Variants in RBM19 observed in about 807,000 individuals in gnomAD.
RBM19 encodes the protein probable RNA-binding protein 19.
RBM19 carries 94 observed loss-of-function variants against 116.8 expected under a neutral mutation model. That is an observed-to-expected ratio of 0.80 (90% CI 0.68 to 0.95). The LOEUF (loss-of-function observed/expected upper bound fraction) is 0.95. RBM19 is among the 40% of genes least tolerant of loss of function. The probability of loss-of-function intolerance (pLI) is 0.00; values close to 1 mark genes in which losing one functional copy is unlikely to be tolerated. For synonymous variants in RBM19, 475 were observed against 494.1 expected (o/e 0.96, Z 0.51); for missense variants, 1,161 against 1,220.7 (o/e 0.95, Z 0.73).
chr12:113,900,228 G>A (rs1881602396), intron 21 of RBM19, among the ~76,000 whole-genome samples: 1 of 152,190 alleles, frequency 6.6e-6, no homozygotes, highest in Admixed American at 6.5e-5. Context: ...ATTTTTTTAA[G>A]GAGGCAAACT....
intron 21 of RBM19, among the ~76,000 whole-genome samples, chr12:113,901,495 T>A (rs552792641): frequency 1.4e-5 from 2 of 146,160 alleles, no homozygotes; most frequent in South Asian, 4.5e-4. Context: ...GAATTCCTTC[T>A]TTTATTCATT....
At chr12:113,841,433 T>C (rs1483718990) in intron 23 of RBM19, among the ~76,000 whole-genome samples, 1 of 148,644 alleles carries the variant, frequency 6.7e-6, no homozygotes, top group Non-Finnish European at 1.5e-5. Flanking sequence ...TTTTTTTTTT[T>C]TTTTTTTTGA....
rs1869849321 is a variant in RBM19 at position 113,934,092 on chromosome 12, CA to C, written c.2068+2914del. Among the ~76,000 whole-genome samples the C allele has an allele frequency of 3.3e-5, 5 of 152,214 alleles. No homozygotes were observed. In the South Asian group the frequency reaches 1.0e-3, roughly 32 times the overall value. ...TCAGCCTCCTGAGTAGCTGGGACTA[CA>C]AGGCATGCACCACTACGCCCAGCTA... On this transcript the variant is annotated intron_variant, in intron 16 of 23. Coordinates refer to ENST00000261741, the MANE Select transcript of RBM19 (RefSeq NM_016196.4).
At chr12:113,863,236 T>G (rs11609066) in intron 21 of RBM19, among the ~76,000 whole-genome samples, 8 of 142,186 alleles carry the variant, frequency 5.6e-5, no homozygotes, top group African/African-American at 1.9e-4. Context: ...TGTGTGTGTG[T>G]GGGGCCAGCG....
At chr12:113,901,083 C>A (rs1881656752) in intron 21 of RBM19, among the ~76,000 whole-genome samples, 1 of 152,174 alleles carries the variant, frequency 6.6e-6, no homozygotes, top group Non-Finnish European at 1.5e-5. Flanking sequence ...AACAGTGTTT[C>A]CTCACACTGC....
At chr12:113,892,179 C>T (rs749947741) in intron 21 of RBM19, among the ~76,000 whole-genome samples, 13 of 152,172 alleles carry the variant, frequency 8.5e-5, no homozygotes, top group Non-Finnish European at 1.8e-4. Flanking sequence ...CATCAAGCCT[C>T]ACCTACAAAG....
At chr12:113,852,189 C>T (rs1416793890) in intron 22 of RBM19, among the ~76,000 whole-genome samples, 1 of 152,174 alleles carries the variant, frequency 6.6e-6, no homozygotes, top group Non-Finnish European at 1.5e-5. Context: ...GTCCTTCTCA[C>T]TCTGATCTCT....
intron 22 of RBM19, among the ~76,000 whole-genome samples, chr12:113,850,710 G>A (rs1473036530): frequency 6.6e-6 from 1 of 152,236 alleles, no homozygotes; most frequent in Non-Finnish European, 1.5e-5. Flanking sequence ...CACGGCTTCT[G>A]GGCAGAGCTG....
chr12:113,949,212 C>T (rs1240281337), intron 9 of RBM19, among the ~76,000 whole-genome samples, 176 bp from the exon 10 acceptor site: 1 of 152,188 alleles, frequency 6.6e-6, no homozygotes, highest in African/African-American at 2.4e-5. Flanking sequence ...AAGCCAACAC[C>T]AGGCCTGAAC....
Position 113,888,046 on chromosome 12 carries a change from G to C in RBM19, c.2558+26923C>G, listed in dbSNP as rs143676762. Among the ~76,000 whole-genome samples the C allele has an allele frequency of 6.5e-3, 993 of 152,224 alleles. 6 individuals carry two copies. The highest frequency in any genetic ancestry group is 0.01 in the Non-Finnish European group (690 of 68,014). ...TCATCCCAACTTTTTACAAGTCCCT[G>C]AGGCCACCTGGATGCATAGCCAGAC... On this transcript the variant is annotated intron_variant, in intron 21 of 23. Transcript: ENST00000261741.
chr12:113,889,592 G>C (rs1170451612), intron 21 of RBM19, among the ~76,000 whole-genome samples: 1 of 152,146 alleles, frequency 6.6e-6, no homozygotes, highest in East Asian at 1.9e-4. Context: ...AAGTGTGCCT[G>C]CTTCCTGATC....
intron 23 of RBM19, among the ~76,000 whole-genome samples, chr12:113,835,529 C>G (rs1003646059): frequency 5.3e-5 from 8 of 152,138 alleles, no homozygotes; most frequent in African/African-American, 1.9e-4. Flanking sequence ...GGCTGGGAGG[C>G]AGTGGGGGCC....
At chr12:113,932,770 C>G (rs1869715499) in intron 16 of RBM19, 1 of 151,756 alleles carries the variant, frequency 6.6e-6, no homozygotes, top group Admixed American at 6.6e-5. Flanking sequence ...ACAAAAACAC[C>G]AGGAACCAGA....
intron 21 of RBM19, among the ~76,000 whole-genome samples, chr12:113,880,588 C>A (rs1880037848): frequency 6.6e-6 from 1 of 152,140 alleles, no homozygotes; most frequent in Admixed American, 6.5e-5. Context: ...GGCTACAGCC[C>A]TACTTACTCA....
rs35688045 is a variant in RBM19, at chr12:113,893,026, A to ATT, written c.2558+21941_2558+21942dup. On this transcript the variant is annotated intron_variant, in intron 21 of 23. Coordinates refer to ENST00000261741, the MANE Select transcript of RBM19 (RefSeq NM_016196.4). ...CTCAATGACCACACTGTAACTATTG[A>ATT]TTTTTTTTTTTTTTTTAATAAGAGA... Among the ~76,000 whole-genome samples, 553 of 141,166 alleles carry ATT rather than the reference A, an allele frequency of 3.9e-3. 1 individual carries two copies. Among genetic ancestry groups the ATT allele is most frequent in the African/African-American group, 0.01 (392 of 38,196 alleles). The allele number at this position is 141,166 out of a possible 152,430, so 92.6% of individuals were successfully genotyped here. A position where few individuals can be genotyped will look rare whatever the true frequency, so the allele number is the denominator to read the frequency against.
chr12:113,933,286 G>A (rs1409475528), intron 16 of RBM19, among the ~76,000 whole-genome samples: 2 of 150,296 alleles, frequency 1.3e-5, no homozygotes, highest in Non-Finnish European at 3.0e-5. Context: ...CCCAGCCCTC[G>A]TTGTCCTCGT....
At chr12:113,933,529 AGGCCCAGC>A (rs59735981) in intron 16 of RBM19, among the ~76,000 whole-genome samples, 23,187 of 151,954 alleles carry the variant, frequency 0.15, 2,284 homozygotes, top group African/African-American at 0.28. Flanking sequence ...GGGCCAAAGG[AGGCCCAGC>A]GGCCGGGCTC....
rs141874185 is a variant in RBM19, at chr12:113,915,049, G to A, written c.2478C>T (p.Pro826=). ...GGATCTTGGAGGTGGTCTGCTTTCT[G>A]GGAACTTGTTTCTTCCGAGCCAATG... The part of the protein sequence containing the change: ...AVTLARKKQV[P]RKQTTSKILV... The change falls in exon 21 of 24, where the codon CCC becomes CCT. Residue 826 remains proline, a synonymous_variant. Transcript: ENST00000261741. 1,140 of 1,614,086 alleles carry A rather than the reference G, an allele frequency of 7.1e-4. No individual in the cohort carries two copies. The highest frequency in any genetic ancestry group is 8.8e-4 in the Non-Finnish European group (1,033 of 1,180,050).
chr12:113,854,358 C>T (rs1877708146), intron 22 of RBM19, among the ~76,000 whole-genome samples: 1 of 152,090 alleles, frequency 6.6e-6, no homozygotes, highest in Non-Finnish European at 1.5e-5. Flanking sequence ...GCGTTGATGA[C>T]ACAACTGACA....
Sources: gnomAD v4.1 joint callset for allele counts (sites outside exome capture counted in the v4.1 genomes callset) on GRCh38, gnomAD v4.1.1 for gene constraint, MANE v1.5 for transcripts, NCBI Gene and HGNC (gene_info 2026-07-23, HGNC 2026-07-21) for gene names.